Variants in REM2 observed in about 807,000 individuals in gnomAD.
The protein encoded by REM2 is GTP-binding protein REM 2.
REM2 carries 24 observed loss-of-function variants against 24.4 expected under a neutral mutation model. That is an observed-to-expected ratio of 0.98 (90% confidence interval 0.71 to 1.38). The LOEUF (loss-of-function observed/expected upper bound fraction) is 1.38, where lower values mean the gene tolerates loss of function less well. Ranked by LOEUF, REM2 falls within the 40% of genes most tolerant of loss-of-function variation. REM2 has a pLI of 0.00. For missense variants in REM2, 429 were observed against 467.8 expected (o/e 0.92, Z 0.77); for synonymous variants, 187 against 198.0 (o/e 0.94, Z 0.47).
intron 1 of REM2, chr14:22,884,168 T>C: frequency 2.0e-6 from 2 of 985,214 alleles, no homozygotes; most frequent in Non-Finnish European, 2.4e-6. Context: ...CACTACAAAG[T>C]TTTTTACTCT....
rs748416414 is a variant in REM2, at chr14:22,884,806, G to A, written c.236G>A (p.Arg79Gln). ...GTCCCCTACAAGCACCAGCTCCGGC[G>A]GGCCCAGGCTGTAGATGAACTTGAC... is the stretch of plus-strand genomic sequence containing the variant. Reference protein sequence around the residue: ...MPVPYKHQLRRAQAVDELDWP... With the variant: ...MPVPYKHQLRQAQAVDELDWP... Residue 79 changes from arginine to glutamine, a missense_variant, in exon 2 of 5, where the codon CGG (arginine) becomes CAG (glutamine). By Grantham distance (43) the Arg-to-Gln change is conservative (BLOSUM62 1). Coordinates refer to ENST00000267396, the MANE Select transcript of REM2 (RefSeq NM_173527.3). 1.1e-5 allele frequency: 18 copies of A among 1,613,908 alleles called. No individual in the cohort carries two copies. The highest frequency in any genetic ancestry group is 1.6e-4 in the Middle Eastern group (1 of 6,084).
rs749401809 is a variant in REM2, at chr14:22,884,819, A to G, written c.249A>G (p.Val83=). The G allele has an allele frequency of 6.2e-7, 1 of 1,614,048 alleles. No individual in the cohort carries two copies. Among genetic ancestry groups the G allele is most frequent in the South Asian group, 1.1e-5 (1 of 91,082 alleles). ...ACCAGCTCCGGCGGGCCCAGGCTGT[A>G]GATGAACTTGACTGGCCACCTCAGG... ...YKHQLRRAQA[V]DELDWPPQAS... is the part of the protein sequence containing the mutation. The change falls in exon 2 of 5, where the codon GTA becomes GTG. Residue 83 remains valine (V), a synonymous_variant. Coordinates refer to ENST00000267396, the MANE Select transcript of REM2 (RefSeq NM_173527.3).
chr14:22,886,385 G>T lies in REM2; in HGVS notation c.727+154G>T. On this transcript the variant is annotated intron_variant, in intron 4 of 4. Transcript: ENST00000267396. This position sits in a 1 kb window ranked among gnomAD's most constrained non-coding sequence, Gnocchi z 5.9. Reference sequence around the variant, plus strand: ...GGACACTCCCAATGCCCCACTCGAGGATCCTGAGAATCCCTTCTTGTCACT... The same window carrying T: ...GGACACTCCCAATGCCCCACTCGAGTATCCTGAGAATCCCTTCTTGTCACT... 1.3e-6 allele frequency: 1 copy of T among 780,316 alleles called. No homozygotes were observed. The highest frequency in any genetic ancestry group is 1.7e-5 in the South Asian group (1 of 59,190). The allele number at this position is 780,316 out of a possible 1,614,324, so 48.3% of individuals were successfully genotyped here. A position where few individuals can be genotyped will look rare whatever the true frequency, so the allele number is the denominator to read the frequency against.
chr14:22,883,740 C>T (rs776143784), intron 1 of REM2, among the ~76,000 whole-genome samples: 1 of 152,086 alleles, frequency 6.6e-6, no homozygotes, highest in Non-Finnish European at 1.5e-5. Flanking sequence ...GGGGCTACCC[C>T]GGGGAACTAT....
chr14:22,883,834 C>T (rs2040092574), intron 1 of REM2, among the ~76,000 whole-genome samples: 1 of 152,072 alleles, frequency 6.6e-6, no homozygotes, highest in South Asian at 2.1e-4. Flanking sequence ...CTCTAGCCCC[C>T]TTTGTTGTGT....
chr14:22,885,146 C>A, intron 2 of REM2, 120 bp from the exon 3 acceptor site: 1 of 1,359,842 alleles, frequency 7.4e-7, no homozygotes. Context: ...CTGTGGCAGC[C>A]TCCCTGAAGA....
chr14:22,885,181 A>T, intron 2 of REM2, 85 bp from the exon 3 acceptor site: 1 of 1,405,002 alleles, frequency 7.1e-7, no homozygotes, highest in Non-Finnish European at 1.0e-6. Flanking sequence ...TGGTGCTGAG[A>T]TCTGAGGTGT....
At position 22,886,870 on chromosome 14, in the gene REM2, G is replaced by C; in HGVS notation, c.984G>C (p.Lys328Asn). 6.5e-7 allele frequency: 1 copy of C among 1,543,132 alleles called. No individual in the cohort carries two copies. The highest frequency in any genetic ancestry group is 8.7e-7 in the Non-Finnish European group (1 of 1,144,246). ...NLVPRNAKFF[K>N]QRSRSCHDLS... is the part of the protein sequence containing the mutation. ...TGCCGCGCAACGCCAAGTTCTTCAA[G>C]CAGCGCTCCAGGTCGTGTCACGACC... Residue 328 changes from lysine to asparagine, a missense_variant, in exon 5 of 5, where the codon AAG becomes AAC. By Grantham distance (94) the Lys-to-Asn change is moderately conservative (BLOSUM62 0). Transcript: ENST00000267396. This position sits in a 1 kb window ranked among gnomAD's most constrained non-coding sequence, Gnocchi z 5.9.
chr14:22,885,249 T>A lies in REM2; in HGVS notation c.446-17T>A. ...ACCTCCTAATGGACTTTATACCCTC[T>A]CCCTATTTCCCAGCAGAGGATACCT... On this transcript the variant is annotated splice_polypyrimidine_tract_variant and intron_variant, in intron 2 of 4. Transcript: ENST00000267396. 1 of 1,609,136 alleles carries A rather than the reference T, an allele frequency of 6.2e-7. No homozygotes were observed. Among genetic ancestry groups the A allele is most frequent in the Non-Finnish European group, 8.5e-7 (1 of 1,175,590 alleles).
At chr14:22,883,415 C>A in intron 1 of REM2, 25 bp downstream of exon 1, 1 of 1,550,274 alleles carries the variant, frequency 6.5e-7, no homozygotes, top group South Asian at 1.2e-5. Flanking sequence ...GGGCAGGTTC[C>A]GGCTGAAACC....
At chr14:22,884,078 A>G (rs145808981) in intron 1 of REM2, 39 of 957,098 alleles carry the variant, frequency 4.1e-5, no homozygotes, top group Non-Finnish European at 4.6e-5. Context: ...TCTCTCTCTC[A>G]CACACACACA....
Position 22,886,942 on chromosome 14 carries a change from G to A in REM2, c.*33G>A. On this transcript the variant is annotated 3_prime_UTR_variant, in exon 5 of 5. Transcript: ENST00000267396. The surrounding 1 kb of genome is among the most constrained non-coding windows in gnomAD (Gnocchi z 5.9). ...TCGCCATGGCCACTGCGGTCGCCATGGTCACCGCGCCCTCCGCTCGCCCCC... is the reference window on the plus strand; with the variant it reads ...TCGCCATGGCCACTGCGGTCGCCATAGTCACCGCGCCCTCCGCTCGCCCCC... 7.3e-7 allele frequency: 1 copy of A among 1,364,658 alleles called. No homozygotes were observed. Among genetic ancestry groups the A allele is most frequent in the South Asian group, 1.7e-5 (1 of 59,502 alleles). 84.5% of individuals were successfully genotyped at this position (1,364,658 alleles called of 1,614,324 possible). A position where few individuals can be genotyped will look rare whatever the true frequency, so the allele number is the denominator to read the frequency against.
At position 22,886,075 on chromosome 14, in the gene REM2, T is replaced by C; in HGVS notation, c.571T>C (p.Phe191Leu). 6.2e-7 allele frequency: 1 copy of C among 1,613,958 alleles called. No individual in the cohort carries two copies. The highest frequency in any genetic ancestry group is 8.5e-7 in the Non-Finnish European group (1 of 1,179,884). ...RDHCLQTGDA[F>L]LIVFSVTDRR... ...CCACTGCCTTCAGACCGGGGACGCC[T>C]TTCTCATCGTCTTCTCAGTCACCGA... Residue 191 changes from phenylalanine to leucine, a missense_variant, in exon 4 of 5, where the codon TTT becomes CTT. Physicochemically the swap from Phe to Leu is conservative, Grantham distance 22. Coordinates refer to ENST00000267396, the MANE Select transcript of REM2 (RefSeq NM_173527.3). This position sits in a 1 kb window ranked among gnomAD's most constrained non-coding sequence, Gnocchi z 5.9.
intron 1 of REM2, among the ~76,000 whole-genome samples, 166 bp downstream of exon 1, chr14:22,883,556 C>G (rs1228961752): frequency 6.6e-6 from 1 of 152,066 alleles, no homozygotes; most frequent in Non-Finnish European, 1.5e-5. Flanking sequence ...GGGATTGGGG[C>G]TGGGCTAGGG....
In REM2 at chr14:22,886,659, C is replaced by T; in HGVS notation, c.773C>T (p.Thr258Met). 6.8e-7 allele frequency: 1 copy of T among 1,463,528 alleles called. No homozygotes were observed. The highest frequency in any genetic ancestry group is 9.0e-7 in the Non-Finnish European group (1 of 1,107,342). The allele number at this position is 1,463,528 out of a possible 1,614,324, so 90.7% of individuals were successfully genotyped here. Residue 258 changes from threonine to methionine, a missense_variant, in exon 5 of 5, where the codon ACG becomes ATG. Coordinates refer to ENST00000267396, the MANE Select transcript of REM2 (RefSeq NM_173527.3). The surrounding 1 kb of genome is among the most constrained non-coding windows in gnomAD (Gnocchi z 5.9). ...ACGCTGAGCTGCAAGCACATCGAGA[C>T]GTCGGCCGCACTGCACCACAACACG... is the stretch of plus-strand genomic sequence containing the variant. ...AGTLSCKHIE[T>M]SAALHHNTRE...
chr14:22,883,380 G>T lies in REM2; in HGVS notation c.93G>T (p.Thr31=). The change falls in exon 1 of 5, where the codon ACG becomes ACT. Residue 31 remains threonine, a synonymous_variant. Transcript: ENST00000267396. ...GCCGCCGGGCCTCCCCTCCAGGGAC[G>T]CCCACACCAGGTGAGGGCTAACCTG... ...SGSRRASPPG[T]PTPEADATLL... 1 of 1,553,480 alleles carries T rather than the reference G, an allele frequency of 6.4e-7. No individual in the cohort carries two copies. The highest frequency in any genetic ancestry group is 1.2e-5 in the South Asian group (1 of 84,156).
rs377711320 is a variant in REM2, at chr14:22,883,279, C to T, written c.-9C>T. ...CTGCACACGCACACGCACACGCACA[C>T]GCACACTGATGCACACGGACCTGGA... On this transcript the variant is annotated 5_prime_UTR_variant, in exon 1 of 5. In the 5' UTR this introduces an upstream ATG that the reference lacks. Transcript: ENST00000267396. 1.4e-5 allele frequency: 20 copies of T among 1,427,258 alleles called. No homozygotes were observed. Among genetic ancestry groups the T allele is most frequent in the African/African-American group, 1.3e-4 (9 of 70,626 alleles). 88.4% of individuals were successfully genotyped at this position (1,427,258 alleles called of 1,614,324 possible).
intron 1 of REM2, chr14:22,884,235 C>G (rs2040098464): frequency 1.0e-6 from 1 of 985,326 alleles, no homozygotes; most frequent in Non-Finnish European, 1.2e-6. Flanking sequence ...CCTCTCTGCT[C>G]CTCAGTTTGG....
At position 22,883,300 on chromosome 14, in the gene REM2, CTGGACACAGACA is replaced by C; in HGVS notation, c.20_31del (p.Thr7_Asp10del). On this transcript the variant is annotated inframe_deletion, in exon 1 of 5. Transcript: ENST00000267396. ...CACACGCACACTGATGCACACGGAC[CTGGACACAGACA>C]TGGACATGGACACAGAAACCACAGC... The C allele has an allele frequency of 6.5e-7, 1 of 1,548,670 alleles. No individual in the cohort carries two copies. Among genetic ancestry groups the C allele is most frequent in the Non-Finnish European group, 8.8e-7 (1 of 1,142,450 alleles).
Sources: gnomAD v4.1 joint callset for allele counts (sites outside exome capture counted in the v4.1 genomes callset) on GRCh38, gnomAD v4.1.1 for gene constraint, Gnocchi (gnomAD v3.1) non-coding constraint, MANE v1.5 for transcripts, NCBI Gene and HGNC (gene_info 2026-07-23, HGNC 2026-07-21) for gene names.